RARB: variants seen among roughly 807,000 people sequenced by gnomAD.
RARB encodes retinoic acid receptor beta, also known as HBV-activated protein.
RARB carries 17 observed loss-of-function variants against 51.9 expected under a neutral mutation model. The ratio of observed to expected loss-of-function variants is 0.33; its 90% CI spans 0.22 to 0.49. The LOEUF is 0.49. RARB is among the 20% of genes least tolerant of loss of function. The probability of loss-of-function intolerance (pLI) is 0.99; values close to 1 mark genes in which losing one functional copy is unlikely to be tolerated. For synonymous variants in RARB, 215 were observed against 195.4 expected (o/e 1.10, Z -0.84); for missense variants, 369 against 550.8 (o/e 0.67, Z 3.30).
At chr3:25,583,189 A>G (rs780630523) in intron 5 of RARB, among the ~76,000 whole-genome samples, 3 of 152,250 alleles carry the variant, frequency 2.0e-5, no homozygotes, top group Non-Finnish European at 4.4e-5. Flanking sequence ...TGTTTCCAAG[A>G]ATTTGTAGCA....
chr3:25,085,596 T>C (rs1699090812), intron 3 of RARB, among the ~76,000 whole-genome samples: 1 of 152,136 alleles, frequency 6.6e-6, no homozygotes, highest in South Asian at 2.1e-4. Flanking sequence ...TTTATCTTCC[T>C]TTATTCTTTC....
intron 2 of RARB, among the ~76,000 whole-genome samples, chr3:24,934,386 T>C (rs940720246): frequency 1.3e-5 from 2 of 152,148 alleles, no homozygotes; most frequent in African/African-American, 2.4e-5. Context: ...ATAGCTCTTT[T>C]TCATGTACTG....
chr3:24,943,408 C>T (rs545671371), intron 2 of RARB, among the ~76,000 whole-genome samples: 13 of 152,202 alleles, frequency 8.5e-5, no homozygotes, highest in Admixed American at 6.5e-4. Context: ...ATATTGAATC[C>T]ATACCCCTTT....
chr3:25,294,313 A>G (rs11928224), intron 5 of RARB, among the ~76,000 whole-genome samples: 1 of 152,070 alleles, frequency 6.6e-6, no homozygotes, highest in East Asian at 1.9e-4. Context: ...CATTTGAACC[A>G]CAGGAACTTA....
Position 25,456,660 on chromosome 3 carries a change from A to AATATAT in RARB, c.158-4515_158-4510dup, listed in dbSNP as rs59052323. ...CCATCAATTCTGAGGGTGATATTTG[A>AATATAT]ATATATATATATATATATATATAGA... On this transcript the variant is annotated intron_variant, in intron 1 of 7. Coordinates refer to ENST00000330688, the MANE Select transcript of RARB (RefSeq NM_000965.5). Among the ~76,000 whole-genome samples the AATATAT allele has an allele frequency of 5.9e-3, 565 of 96,048 alleles. 2 individuals carry two copies. The highest frequency in any genetic ancestry group is 0.011 in the African/African-American group (238 of 22,338). The allele number at this position is 96,048 out of a possible 152,430, so 63.0% of individuals were successfully genotyped here.
At chr3:25,579,170 C>T (rs534487388) in intron 4 of RARB, among the ~76,000 whole-genome samples, 35 of 152,284 alleles carry the variant, frequency 2.3e-4, no homozygotes, top group African/African-American at 8.2e-4. Context: ...AAGGTTTACA[C>T]CATGCAATTG....
At chr3:24,848,070 A>G (rs1702507535) in intron 1 of RARB, among the ~76,000 whole-genome samples, 1 of 152,136 alleles carries the variant, frequency 6.6e-6, no homozygotes. Flanking sequence ...TAAATTTTTA[A>G]AATTGTTTTG....
chr3:25,501,889 A>G (rs1697332967), intron 3 of RARB, among the ~76,000 whole-genome samples: 1 of 152,264 alleles, frequency 6.6e-6, no homozygotes, highest in Non-Finnish European at 1.5e-5. Context: ...TTAAAAATAC[A>G]TTAAAAATTG....
At chr3:25,160,681 T>G (rs1700459952) in intron 4 of RARB, among the ~76,000 whole-genome samples, 1 of 152,200 alleles carries the variant, frequency 6.6e-6, no homozygotes, top group Non-Finnish European at 1.5e-5. Context: ...TACTACAAGC[T>G]TAAAATAGAA....
chr3:24,931,534 G>C (rs1361854137), intron 2 of RARB, among the ~76,000 whole-genome samples: 1 of 151,990 alleles, frequency 6.6e-6, no homozygotes. Flanking sequence ...ATCAAGACCA[G>C]ATTAAATGTC....
chr3:25,097,766 G>C (rs1167872977), intron 3 of RARB, among the ~76,000 whole-genome samples: 1 of 152,126 alleles, frequency 6.6e-6, no homozygotes, highest in Non-Finnish European at 1.5e-5. Context: ...CTCCTCATTA[G>C]CCTTAGTTTC....
chr3:25,136,869 AG>A (rs1559479617), intron 4 of RARB, among the ~76,000 whole-genome samples: 3 of 152,024 alleles, frequency 2.0e-5, no homozygotes, highest in Admixed American at 2.0e-4. Flanking sequence ...ATCATTCACT[AG>A]GGAAGTAGAG....
chr3:24,918,057 A>C (rs941229957), intron 2 of RARB, among the ~76,000 whole-genome samples: 5 of 152,250 alleles, frequency 3.3e-5, no homozygotes, highest in African/African-American at 1.2e-4. Context: ...CATGCTATGC[A>C]AACGAAAGGA....
At chr3:25,177,109 GTAT>G (rs1011988841) in intron 5 of RARB, among the ~76,000 whole-genome samples, 1 of 152,126 alleles carries the variant, frequency 6.6e-6, no homozygotes, top group African/African-American at 2.4e-5. Context: ...CTAATACCTT[GTAT>G]TATTATTTCT....
chr3:25,432,006 A>G (rs765533941), intron 1 of RARB, among the ~76,000 whole-genome samples: 1 of 152,206 alleles, frequency 6.6e-6, no homozygotes, highest in Non-Finnish European at 1.5e-5. Flanking sequence ...GGTTTTGAAT[A>G]AATATTTCAG....
At chr3:25,557,958 GT>G (rs1397378029) in intron 3 of RARB, among the ~76,000 whole-genome samples, 6 of 152,108 alleles carry the variant, frequency 3.9e-5, no homozygotes, top group Non-Finnish European at 7.4e-5. Flanking sequence ...CCAGCCTTTG[GT>G]TAGCTCAAGT....
At chr3:25,173,051 C>T (rs560089716) in intron 4 of RARB, among the ~76,000 whole-genome samples, 8 of 152,274 alleles carry the variant, frequency 5.3e-5, no homozygotes, top group Non-Finnish European at 1.0e-4. Flanking sequence ...TTTTGTGCCA[C>T]ATGAATACAT....
intron 5 of RARB, among the ~76,000 whole-genome samples, chr3:25,250,727 T>G (rs976128202): frequency 6.6e-6 from 1 of 152,142 alleles, no homozygotes; most frequent in Non-Finnish European, 1.5e-5. Flanking sequence ...AGTGGCACCT[T>G]GCTATAGCTG....
At chr3:25,416,989 C>T (rs1349330470) in intron 5 of RARB, among the ~76,000 whole-genome samples, 1 of 152,108 alleles carries the variant, frequency 6.6e-6, no homozygotes, top group Non-Finnish European at 1.5e-5. Context: ...CTTTCCTTAC[C>T]CCTCCAGATG....
Sources: gnomAD v4.1 joint callset for allele counts (sites outside exome capture counted in the v4.1 genomes callset) on GRCh38, gnomAD v4.1.1 for gene constraint, MANE v1.5 for transcripts, NCBI Gene and HGNC (gene_info 2026-07-23, HGNC 2026-07-21) for gene names.